Variants in GALK2 observed in about 807,000 individuals in gnomAD.
GALK2 encodes the protein N-acetylgalactosamine kinase.
Under a neutral mutation model 52.4 loss-of-function variants are expected in GALK2, and 36 were observed. The ratio of observed to expected loss-of-function variants is 0.69; its 90% CI spans 0.53 to 0.91. The LOEUF (loss-of-function observed/expected upper bound fraction) is 0.91. GALK2 is among the 40% of genes least tolerant of loss of function. The pLI is 0.00. For missense variants in GALK2, 579 were observed against 559.1 expected (o/e 1.04, Z -0.36); for synonymous variants, 176 against 199.1 (o/e 0.88, Z 0.98).
chr15:49,299,754 T>TCTTTCTTTC (rs2034881945), intron 8 of GALK2, among the ~76,000 whole-genome samples: 10 of 138,496 alleles, frequency 7.2e-5, no homozygotes, highest in African/African-American at 2.6e-4. Flanking sequence ...TTTCTTTCTT[T>TCTTTCTTTC]CTTTCTTTCT....
chr15:49,178,857 C>T, intron 1 of GALK2: 2 of 163,494 alleles, frequency 1.2e-5, no homozygotes, highest in Non-Finnish European at 2.7e-5. Flanking sequence ...TACGGTTGTG[C>T]CTCATGGGTT....
intron 7 of GALK2, among the ~76,000 whole-genome samples, chr15:49,286,930 A>C (rs2033428302): frequency 6.6e-6 from 1 of 152,238 alleles, no homozygotes; most frequent in African/African-American, 2.4e-5. Context: ...CCAGATCCAT[A>C]GGTGAGCTGA....
chr15:49,339,811 A>G (rs1469034803), intron 3 of GALK2, among the ~76,000 whole-genome samples: 1 of 151,958 alleles, frequency 6.6e-6, no homozygotes, highest in East Asian at 1.9e-4. Context: ...TTTTTTTCAG[A>G]GATGCCCTGC....
chr15:49,164,881 A>G (rs2084773534), intron 1 of GALK2, among the ~76,000 whole-genome samples: 1 of 151,916 alleles, frequency 6.6e-6, no homozygotes, highest in African/African-American at 2.4e-5. Context: ...GCTAATGTAC[A>G]CTGTAAGCTT....
At chr15:49,232,123 A>G (rs1274557421) in intron 3 of GALK2, among the ~76,000 whole-genome samples, 2 of 152,182 alleles carry the variant, frequency 1.3e-5, no homozygotes, top group Admixed American at 1.3e-4. Context: ...TTCTGCCTAG[A>G]CATTTAGGCT....
chr15:49,260,085 G>A (rs933313826), intron 5 of GALK2, among the ~76,000 whole-genome samples: 1 of 151,730 alleles, frequency 6.6e-6, no homozygotes, highest in Admixed American at 6.6e-5. Flanking sequence ...TAGTCCTTTG[G>A]GTATATACCC....
rs561931315 is a variant in GALK2 at position 49,264,861 on chromosome 15, A to T, written c.505-17126A>T. On this transcript the variant is annotated intron_variant, in intron 5 of 9. Coordinates refer to ENST00000560031, the MANE Select transcript of GALK2 (RefSeq NM_002044.4). Reference sequence around the variant, plus strand: ...CACTCCAGACCCTGTTTGCCTGGGTACCAGCAGTGGTGGCTGTAGTACAGC... The same window carrying T: ...CACTCCAGACCCTGTTTGCCTGGGTTCCAGCAGTGGTGGCTGTAGTACAGC... Among the ~76,000 whole-genome samples the T allele has an allele frequency of 1.1e-4, 16 of 152,310 alleles. No homozygotes were observed. In the South Asian group the frequency reaches 2.5e-3, roughly 24 times the overall value.
intron 2 of GALK2, among the ~76,000 whole-genome samples, chr15:49,210,687 C>T (rs528461202): frequency 5.0e-4 from 76 of 151,922 alleles, no homozygotes; most frequent in Non-Finnish European, 8.5e-4. Context: ...GTGATCCACC[C>T]GCCTCGGCCT....
intron 1 of GALK2, chr15:49,198,847 C>CTCCCTCCT (rs2141293816): frequency 2.2e-5 from 3 of 135,938 alleles, no homozygotes; most frequent in South Asian, 2.7e-4. Flanking sequence ...CTCTCCCTCC[C>CTCCCTCCT]TCCCTCCCTC....
intron 5 of GALK2, among the ~76,000 whole-genome samples, chr15:49,251,601 T>A (rs541815241): frequency 6.6e-6 from 1 of 152,268 alleles, no homozygotes; most frequent in South Asian, 2.1e-4. Flanking sequence ...GTAGAGCAGA[T>A]CTCTAGAGCT....
intron 1 of GALK2, among the ~76,000 whole-genome samples, chr15:49,190,929 G>A (rs1368090277): frequency 6.6e-6 from 1 of 152,162 alleles, no homozygotes; most frequent in African/African-American, 2.4e-5. Context: ...TCTGGGGGCT[G>A]TCCAATTCAT....
In GALK2 at chr15:49,312,424, G is replaced by A. The variant is rs370483248; in HGVS notation, c.968-7180G>A. ...ATCAGATTCTATGTTCTTCAGCCTT[G>A]GAATCTGGGACTTAAACCAGCAGCC... On this transcript the variant is annotated intron_variant, in intron 8 of 9. Coordinates refer to ENST00000560031, the MANE Select transcript of GALK2 (RefSeq NM_002044.4). Among the ~76,000 whole-genome samples the A allele has an allele frequency of 1.8e-4, 27 of 152,282 alleles. No individual in the cohort carries two copies. In the East Asian group the frequency reaches 5.2e-3, roughly 29 times the overall value.
At chr15:49,236,860 A>C (rs1235333267) in intron 4 of GALK2, among the ~76,000 whole-genome samples, 1 of 152,234 alleles carries the variant, frequency 6.6e-6, no homozygotes, top group Non-Finnish European at 1.5e-5. Flanking sequence ...CATTACAGAA[A>C]TACATCAAAT....
chr15:49,235,782 C>A, intron 3 of GALK2, 69 bp from the exon 4 acceptor site: 1 of 963,580 alleles, frequency 1.0e-6, no homozygotes, highest in Non-Finnish European at 1.7e-6. Context: ...AAGATGGCAG[C>A]AGTCATCCAT....
At chr15:49,173,242 TC>T (rs1194054207) in intron 1 of GALK2, among the ~76,000 whole-genome samples, 4 of 152,218 alleles carry the variant, frequency 2.6e-5, no homozygotes, top group Non-Finnish European at 5.9e-5. Flanking sequence ...TTAACATGTA[TC>T]AGTATATCAT....
intron 3 of GALK2, among the ~76,000 whole-genome samples, chr15:49,350,715 C>G (rs538904595): frequency 6.6e-6 from 1 of 152,174 alleles, no homozygotes; most frequent in Admixed American, 6.5e-5. Context: ...GCACCATTTG[C>G]CTTTTATAAT....
intron 7 of GALK2, among the ~76,000 whole-genome samples, chr15:49,290,244 T>G (rs990276959): frequency 1.3e-5 from 2 of 152,232 alleles, no homozygotes; most frequent in African/African-American, 4.8e-5. Flanking sequence ...TCAAAGGGCT[T>G]AAGAGGCTTT....
chr15:49,340,602 A>G (rs114500325), intron 3 of GALK2, among the ~76,000 whole-genome samples: 2,616 of 152,140 alleles, frequency 0.017, 95 homozygotes, highest in African/African-American at 0.06. Flanking sequence ...CCACTTTTTA[A>G]TGGGGCTATT....
At chr15:49,249,471 A>G (rs2091497659) in intron 5 of GALK2, among the ~76,000 whole-genome samples, 1 of 152,200 alleles carries the variant, frequency 6.6e-6, no homozygotes, top group Non-Finnish European at 1.5e-5. Flanking sequence ...AACTGGCTTA[A>G]TACCTACAGT....
Sources: gnomAD v4.1 joint callset for allele counts (sites outside exome capture counted in the v4.1 genomes callset) on GRCh38, gnomAD v4.1.1 for gene constraint, MANE v1.5 for transcripts, NCBI Gene and HGNC (gene_info 2026-07-23, HGNC 2026-07-21) for gene names.